Variants in NLGN1 observed in about 807,000 individuals in gnomAD.
The protein encoded by NLGN1 is neuroligin-1.
Under a neutral mutation model 65.5 loss-of-function variants are expected in NLGN1, and 12 were observed. That is an observed-to-expected ratio of 0.18 (90% CI 0.12 to 0.30). The LOEUF (loss-of-function observed/expected upper bound fraction) is 0.30. NLGN1 is among the 10% of genes least tolerant of loss of function. The probability of loss-of-function intolerance (pLI) is 1.00; values close to 1 mark genes in which losing one functional copy is unlikely to be tolerated. For missense variants in NLGN1, 750 were observed against 1,007.1 expected, an observed-to-expected ratio of 0.74 and a Z score of 3.46; for synonymous variants, 350 against 359.5, an observed-to-expected ratio of 0.97 and a Z score of 0.30.
chr3:173,549,193 C>T (rs1740431429), intron 2 of NLGN1, among the ~76,000 whole-genome samples: 1 of 151,674 alleles, frequency 6.6e-6, no homozygotes, highest in African/African-American at 2.4e-5. Context: ...ATAACAAATC[C>T]AGATAAATTA....
At chr3:173,926,265 A>C (rs975545935) in intron 4 of NLGN1, among the ~76,000 whole-genome samples, 18 of 152,218 alleles carry the variant, frequency 1.2e-4, no homozygotes, top group African/African-American at 4.3e-4. Flanking sequence ...TAAAAGAACT[A>C]TCTCTATTCT....
At chr3:173,580,453 T>C (rs1271498686) in intron 2 of NLGN1, among the ~76,000 whole-genome samples, 1 of 152,024 alleles carries the variant, frequency 6.6e-6, no homozygotes, top group Non-Finnish European at 1.5e-5. Flanking sequence ...TCTGAAGAAA[T>C]TAGCAAGCCC....
intron 4 of NLGN1, among the ~76,000 whole-genome samples, chr3:174,036,574 G>A (rs291937): frequency 6.7e-6 from 1 of 149,784 alleles, no homozygotes; most frequent in Non-Finnish European, 1.5e-5. Context: ...ATGGAAATAG[G>A]TTTTTTGTTG....
intron 2 of NLGN1, among the ~76,000 whole-genome samples, chr3:173,530,992 G>A (rs988010745): frequency 3.3e-5 from 5 of 151,898 alleles, no homozygotes; most frequent in African/African-American, 1.2e-4. Flanking sequence ...TTTTAAAATC[G>A]TTCTTTCTTC....
chr3:173,554,062 C>T (rs1741323176), intron 2 of NLGN1, among the ~76,000 whole-genome samples: 1 of 152,150 alleles, frequency 6.6e-6, no homozygotes, highest in South Asian at 2.1e-4. Context: ...GCAGTTGATT[C>T]AATTGCTACC....
At chr3:173,602,309 A>G (rs1750674503) in intron 2 of NLGN1, among the ~76,000 whole-genome samples, 1 of 152,058 alleles carries the variant, frequency 6.6e-6, no homozygotes, top group Non-Finnish European at 1.5e-5. Flanking sequence ...TACTTTAAAT[A>G]AGCCACATTT....
At chr3:174,023,807 GC>G (rs1728257595) in intron 4 of NLGN1, among the ~76,000 whole-genome samples, 1 of 152,134 alleles carries the variant, frequency 6.6e-6, no homozygotes, top group Admixed American at 6.5e-5. Context: ...TGATGAAGAG[GC>G]AGAACTGGTA....
intron 4 of NLGN1, among the ~76,000 whole-genome samples, chr3:174,049,943 C>T (rs1734448822): frequency 6.6e-6 from 1 of 151,732 alleles, no homozygotes. Flanking sequence ...GGAGTTAAGA[C>T]TGATAAAAGA....
intron 4 of NLGN1, among the ~76,000 whole-genome samples, chr3:173,826,714 GCTTCTGAC>G (rs1273911066): frequency 6.6e-6 from 1 of 152,026 alleles, no homozygotes; most frequent in Non-Finnish European, 1.5e-5. Context: ...GAGATGCAGT[GCTTCTGAC>G]CTGAAGGAGC....
intron 4 of NLGN1, among the ~76,000 whole-genome samples, chr3:173,865,807 C>T (rs974562950): frequency 6.6e-6 from 1 of 152,102 alleles, no homozygotes; most frequent in Non-Finnish European, 1.5e-5. Flanking sequence ...TGTGCATAAA[C>T]CTGACACTGG....
intron 2 of NLGN1, among the ~76,000 whole-genome samples, chr3:173,486,138 G>A (rs1407984524): frequency 1.3e-5 from 2 of 152,140 alleles, no homozygotes; most frequent in Admixed American, 6.6e-5. Flanking sequence ...TCTGCCTCCC[G>A]GGTTCAAGCG....
intron 2 of NLGN1, among the ~76,000 whole-genome samples, chr3:173,532,742 G>T (rs1428385287): frequency 6.6e-6 from 1 of 152,112 alleles, no homozygotes; most frequent in African/African-American, 2.4e-5. Context: ...CATTTTATTT[G>T]TATTGGACAT....
intron 4 of NLGN1, among the ~76,000 whole-genome samples, chr3:174,052,152 C>A (rs1189231946): frequency 2.0e-5 from 3 of 151,912 alleles, no homozygotes; most frequent in Admixed American, 1.3e-4. Flanking sequence ...CTCCATGAAC[C>A]ATTTTACTGA....
At chr3:174,127,565 G>A (rs577403511) in intron 4 of NLGN1, among the ~76,000 whole-genome samples, 41 of 151,938 alleles carry the variant, frequency 2.7e-4, no homozygotes, top group Admixed American at 7.9e-4. Context: ...TAAATGTGTC[G>A]GTCATACTAC....
At chr3:174,002,375 T>A (rs1723469895) in intron 4 of NLGN1, among the ~76,000 whole-genome samples, 1 of 152,044 alleles carries the variant, frequency 6.6e-6, no homozygotes, top group Non-Finnish European at 1.5e-5. Context: ...TGATCCACCC[T>A]CCTCGGCCTC....
intron 4 of NLGN1, among the ~76,000 whole-genome samples, chr3:174,109,629 T>C (rs1309764320): frequency 6.6e-6 from 1 of 152,108 alleles, no homozygotes; most frequent in Non-Finnish European, 1.5e-5. Flanking sequence ...ACATATTAAA[T>C]GTATTCTTTT....
intron 4 of NLGN1, among the ~76,000 whole-genome samples, chr3:174,045,529 G>A (rs1733368582): frequency 6.6e-6 from 1 of 152,046 alleles, no homozygotes; most frequent in African/African-American, 2.4e-5. Context: ...ATGAGATTTG[G>A]GTGGAGATAC....
At chr3:174,255,629 C>G (rs965289315) in intron 4 of NLGN1, among the ~76,000 whole-genome samples, 1 of 133,422 alleles carries the variant, frequency 7.5e-6, no homozygotes, top group Non-Finnish European at 1.6e-5. Context: ...CTCTTTCTTT[C>G]TTTTCTTCTA....
intron 3 of NLGN1, among the ~76,000 whole-genome samples, chr3:173,669,200 T>C (rs1762126631): frequency 6.6e-6 from 1 of 152,172 alleles, no homozygotes; most frequent in Admixed American, 6.5e-5. Context: ...GTGAGACTTG[T>C]TAGGAAGGTG....
Sources: allele counts gnomAD v4.1 joint callset (sites outside exome capture counted in the v4.1 genomes callset), GRCh38; gene constraint gnomAD v4.1.1; transcripts MANE v1.5; gene names NCBI Gene and HGNC (gene_info 2026-07-23, HGNC 2026-07-21).